The following ZBTB7C variants were observed in gnomAD, a reference collection of about 807,000 sequenced individuals.
The protein encoded by ZBTB7C is zinc finger and BTB domain-containing protein 7C.
A neutral mutation model predicts 25.7 loss-of-function variants in ZBTB7C; 8 were observed. The ratio of observed to expected loss-of-function variants is 0.31; its 90% confidence interval spans 0.18 to 0.56. The LOEUF is 0.56. ZBTB7C is among the 20% of genes least tolerant of loss of function. The probability of loss-of-function intolerance (pLI) is 0.91; values close to 1 mark genes in which losing one functional copy is unlikely to be tolerated. For missense variants in ZBTB7C, 824 were observed against 855.2 expected (o/e 0.96, Z 0.46); for synonymous variants, 394 against 369.0 (o/e 1.07, Z -0.78).
chr18:48,042,496 C>A (rs1181341256), intron 3 of ZBTB7C, among the ~76,000 whole-genome samples: 1 of 152,184 alleles, frequency 6.6e-6, no homozygotes, highest in African/African-American at 2.4e-5. Context: ...TCTGGAGATC[C>A]TTACACATTT....
intron 1 of ZBTB7C, among the ~76,000 whole-genome samples, chr18:48,383,489 C>T (rs1412833544): frequency 6.6e-6 from 1 of 152,126 alleles, no homozygotes; most frequent in East Asian, 1.9e-4. Flanking sequence ...TGGTCTCGAA[C>T]TCCTGAGTTC....
intron 3 of ZBTB7C, among the ~76,000 whole-genome samples, chr18:48,047,478 AGAG>A (rs968708355): frequency 3.9e-5 from 6 of 152,332 alleles, no homozygotes; most frequent in African/African-American, 1.2e-4. Context: ...AAAGATGGGA[AGAG>A]GAGATGAGGA....
chr18:48,107,757 G>A (rs2039085837), intron 3 of ZBTB7C, among the ~76,000 whole-genome samples: 1 of 152,118 alleles, frequency 6.6e-6, no homozygotes, highest in African/African-American at 2.4e-5. Flanking sequence ...ACAATCTGGG[G>A]TCACCCCTGG....
intron 3 of ZBTB7C, among the ~76,000 whole-genome samples, chr18:48,169,012 A>G (rs542667214): frequency 6.6e-6 from 1 of 152,324 alleles, no homozygotes; most frequent in South Asian, 2.1e-4. Flanking sequence ...TGAATGTTGC[A>G]ACTGGTCTGG....
chr18:48,036,065 G>A (rs2035956261), intron 4 of ZBTB7C, among the ~76,000 whole-genome samples: 1 of 152,262 alleles, frequency 6.6e-6, no homozygotes, highest in South Asian at 2.1e-4. Context: ...GGAAGGGACA[G>A]CATGGGGCCA....
intron 2 of ZBTB7C, among the ~76,000 whole-genome samples, chr18:48,292,503 C>T (rs963956712): frequency 2.6e-5 from 4 of 152,178 alleles, no homozygotes; most frequent in Non-Finnish European, 4.4e-5. Flanking sequence ...TCCTCCTGCG[C>T]CTGTCCCTGG....
chr18:48,336,733 A>G (rs1337482760), intron 2 of ZBTB7C, among the ~76,000 whole-genome samples: 1 of 151,780 alleles, frequency 6.6e-6, no homozygotes, highest in Non-Finnish European at 1.5e-5. Context: ...GTCCTCACCC[A>G]CCTACCTCCA....
At chr18:48,130,919 T>G (rs1360193859) in intron 3 of ZBTB7C, among the ~76,000 whole-genome samples, 2 of 152,240 alleles carry the variant, frequency 1.3e-5, no homozygotes, top group African/African-American at 4.8e-5. Flanking sequence ...TTTTTACTTT[T>G]TTGAGATGGA....
intron 2 of ZBTB7C, among the ~76,000 whole-genome samples, chr18:48,228,540 C>T (rs980497102): frequency 1.3e-5 from 2 of 152,118 alleles, no homozygotes; most frequent in South Asian, 2.1e-4. Flanking sequence ...CTCCTCACTG[C>T]TCCACCCACC....
intron 1 of ZBTB7C, among the ~76,000 whole-genome samples, chr18:48,355,123 T>G (rs914531639): frequency 6.6e-6 from 1 of 152,202 alleles, no homozygotes; most frequent in African/African-American, 2.4e-5. Flanking sequence ...GCACAGTGCA[T>G]TCAGGTTAGT....
At chr18:48,222,575 C>T (rs939001542) in intron 2 of ZBTB7C, among the ~76,000 whole-genome samples, 6 of 152,282 alleles carry the variant, frequency 3.9e-5, no homozygotes, top group African/African-American at 1.4e-4. Flanking sequence ...CATGGAAGCT[C>T]GGGACTTGCC....
intron 2 of ZBTB7C, among the ~76,000 whole-genome samples, chr18:48,282,329 G>C (rs1162883793): frequency 9.8e-6 from 1 of 101,990 alleles, no homozygotes; most frequent in African/African-American, 3.9e-5. Flanking sequence ...GGGGAGGGGG[G>C]AGGGATAGCA....
chr18:48,309,066 C>A (rs1178068329), intron 2 of ZBTB7C, among the ~76,000 whole-genome samples: 2 of 152,182 alleles, frequency 1.3e-5, no homozygotes, highest in Admixed American at 6.5e-5. Context: ...AATTAGAAGA[C>A]CCCTCTCAGG....
chr18:48,269,654 G>A (rs1177743215), intron 2 of ZBTB7C, among the ~76,000 whole-genome samples: 1 of 152,224 alleles, frequency 6.6e-6, no homozygotes, highest in Non-Finnish European at 1.5e-5. Flanking sequence ...TGTAAGGTAT[G>A]TTAACCTCTC....
intron 2 of ZBTB7C, among the ~76,000 whole-genome samples, chr18:48,229,512 G>A (rs2043193728): frequency 6.6e-6 from 1 of 152,120 alleles, no homozygotes; most frequent in South Asian, 2.1e-4. Flanking sequence ...TAATAAAATG[G>A]ACAGTTCATT....
At chr18:48,109,609 A>G (rs958525896) in intron 3 of ZBTB7C, among the ~76,000 whole-genome samples, 2 of 140,820 alleles carry the variant, frequency 1.4e-5, no homozygotes, top group African/African-American at 5.3e-5. Flanking sequence ...TGTTGCAACA[A>G]CCACACACAC....
chr18:48,128,001 C>A (rs1440297435), intron 3 of ZBTB7C, among the ~76,000 whole-genome samples: 1 of 152,196 alleles, frequency 6.6e-6, no homozygotes, highest in Non-Finnish European at 1.5e-5. Flanking sequence ...CTGGAGGACC[C>A]CGTAAGCTCC....
Position 48,264,050 on chromosome 18 carries a change from T to C in ZBTB7C, c.-79+74124A>G, listed in dbSNP as rs75054038. Among the ~76,000 whole-genome samples, 1,245 of 152,266 alleles carry C rather than the reference T, an allele frequency of 8.2e-3. 2 individuals carry two copies. Among genetic ancestry groups the C allele is most frequent in the Non-Finnish European group, 0.012 (838 of 68,014 alleles). Reference sequence around the variant, plus strand: ...ATATCTGTACTCTATAACCTAGTAATCCCACTGTTGGGACTTCATCCTAAA... The same window carrying C: ...ATATCTGTACTCTATAACCTAGTAACCCCACTGTTGGGACTTCATCCTAAA... On this transcript the variant is annotated intron_variant, in intron 2 of 4. Coordinates refer to ENST00000590800, the MANE Select transcript of ZBTB7C (RefSeq NM_001318841.2).
intron 1 of ZBTB7C, among the ~76,000 whole-genome samples, chr18:48,389,189 A>ACTCTCTCTCACTCT (rs1491287006): frequency 3.1e-5 from 2 of 64,118 alleles, no homozygotes; most frequent in African/African-American, 1.3e-4. Flanking sequence ...GAGCCCTTTA[A>ACTCTCTCTCACTCT]CTCTCTCTCT....
Sources: gnomAD v4.1 joint callset for allele counts (sites outside exome capture counted in the v4.1 genomes callset) on GRCh38, gnomAD v4.1.1 for gene constraint, MANE v1.5 for transcripts, NCBI Gene and HGNC (gene_info 2026-07-23, HGNC 2026-07-21) for gene names.